Variants in PRDM16 observed in about 807,000 individuals in gnomAD.
PRDM16 encodes the protein PR/SET domain 16.
A neutral mutation model predicts 110.6 loss-of-function variants in PRDM16; 23 were observed. The ratio of observed to expected loss-of-function variants is 0.21; its 90% confidence interval spans 0.15 to 0.29. The LOEUF (loss-of-function observed/expected upper bound fraction) is 0.29, where lower values mean the gene tolerates loss of function less well. Ranked by LOEUF, PRDM16 falls within the 10% of genes least tolerant of loss-of-function variation. The probability of loss-of-function intolerance (pLI) is 1.00; values close to 1 mark genes in which losing one functional copy is unlikely to be tolerated. For missense variants in PRDM16, 1,615 were observed against 1,794.3 expected (o/e 0.90, Z 1.81); for synonymous variants, 799 against 781.8 (o/e 1.02, Z -0.37).
Position 3,186,177 on chromosome 1 carries a change from C to T in PRDM16, c.90C>T (p.Ala30=). Residue 30 remains alanine, a synonymous_variant, in exon 2 of 17, where the codon GCC becomes GCT. Transcript: ENST00000270722. The stretch of plus-strand genomic sequence containing the variant: ...ATGAGCCCAACCGGGACCTGCTGGC[C>T]AGCCACAGCGCGGAGGACGAGGCCG... The part of the protein sequence containing the change: ...NMYEPNRDLL[A]SHSAEDEAED... The T allele has an allele frequency of 6.2e-7, 1 of 1,612,910 alleles. No homozygotes were observed. Among genetic ancestry groups the T allele is most frequent in the Non-Finnish European group, 8.5e-7 (1 of 1,179,986 alleles).
intron 3 of PRDM16, among the ~76,000 whole-genome samples, chr1:3,282,152 C>T (rs1640722755): frequency 6.6e-6 from 1 of 152,232 alleles, no homozygotes; most frequent in Non-Finnish European, 1.5e-5. Flanking sequence ...AACCTTGACT[C>T]CCTTCACAGG....
chr1:3,100,312 G>T (rs1000262395), intron 1 of PRDM16, among the ~76,000 whole-genome samples: 1 of 152,194 alleles, frequency 6.6e-6, no homozygotes, highest in Non-Finnish European at 1.5e-5. Flanking sequence ...TTCATAAAAC[G>T]CAGAGTGACT....
chr1:3,303,047 T>A (rs1641239507), intron 3 of PRDM16, among the ~76,000 whole-genome samples: 1 of 152,194 alleles, frequency 6.6e-6, no homozygotes, highest in African/African-American at 2.4e-5. Flanking sequence ...CACTTATATA[T>A]ATCAGCTTTA....
chr1:3,313,228 G>A (rs1332812428), intron 3 of PRDM16, among the ~76,000 whole-genome samples: 3 of 152,232 alleles, frequency 2.0e-5, no homozygotes, highest in Admixed American at 6.5e-5. Context: ...AGGCCAGAGC[G>A]ACTGTTGGAA....
intron 5 of PRDM16, 82 bp from the exon 6 acceptor site, chr1:3,402,709 G>A: frequency 1.6e-6 from 2 of 1,272,250 alleles, no homozygotes; most frequent in Non-Finnish European, 2.2e-6. Flanking sequence ...CCGTGGTGAG[G>A]GGGCCAGGTC....
At chr1:3,282,616 A>G (rs1640732942) in intron 3 of PRDM16, among the ~76,000 whole-genome samples, 1 of 152,160 alleles carries the variant, frequency 6.6e-6, no homozygotes, top group African/African-American at 2.4e-5. Context: ...TGCCAAGGTC[A>G]CTGAAGCCTT....
At chr1:3,104,106 C>G (rs1484033392) in intron 1 of PRDM16, among the ~76,000 whole-genome samples, 1 of 152,226 alleles carries the variant, frequency 6.6e-6, no homozygotes, top group Non-Finnish European at 1.5e-5. Context: ...TGGGCCACCA[C>G]TGAATGGCGG....
intron 2 of PRDM16, among the ~76,000 whole-genome samples, chr1:3,227,878 T>C (rs1038501251): frequency 2.6e-5 from 4 of 152,216 alleles, no homozygotes; most frequent in African/African-American, 9.6e-5. Context: ...AGAGCCGGCG[T>C]TCTCTCTTTT....
intron 2 of PRDM16, among the ~76,000 whole-genome samples, chr1:3,198,535 G>A (rs149801568): frequency 0.011 from 1,691 of 152,342 alleles, 31 homozygotes; most frequent in African/African-American, 0.039. Context: ...GCACTGGGCC[G>A]TGGCCTTCTG....
At chr1:3,149,934 G>T (rs1008258772) in intron 1 of PRDM16, among the ~76,000 whole-genome samples, 3 of 152,178 alleles carry the variant, frequency 2.0e-5, no homozygotes, top group South Asian at 2.1e-4. Flanking sequence ...CCTGGACAAG[G>T]TTCAAGGAGG....
At chr1:3,378,548 G>A (rs952098539) in intron 3 of PRDM16, among the ~76,000 whole-genome samples, 5 of 152,160 alleles carry the variant, frequency 3.3e-5, no homozygotes, top group African/African-American at 1.2e-4. Context: ...GTCTCCAGGG[G>A]CCTCCATCTC....
chr1:3,108,014 C>T (rs2100632716), intron 1 of PRDM16, among the ~76,000 whole-genome samples: 1 of 152,382 alleles, frequency 6.6e-6, no homozygotes, highest in East Asian at 1.9e-4. Flanking sequence ...AGGGAGTTCA[C>T]CTCCACACCA....
chr1:3,321,660 T>C (rs1458591079), intron 3 of PRDM16, among the ~76,000 whole-genome samples: 1 of 151,988 alleles, frequency 6.6e-6, no homozygotes, highest in Non-Finnish European at 1.5e-5. Flanking sequence ...ATGTGCCCAA[T>C]GTGTGGGTGC....
chr1:3,370,579 A>C lies in PRDM16; in HGVS notation c.439-14573A>C, dbSNP rs1642888143. On this transcript the variant is annotated intron_variant, in intron 3 of 16. Coordinates refer to ENST00000270722, the MANE Select transcript of PRDM16 (RefSeq NM_022114.4). This position sits in a 1 kb window ranked among gnomAD's most constrained non-coding sequence, Gnocchi z 4.8. ...ACCTGCGACGTGATAGCCATGGCCCAGTGCAGTGTCCATGCTAAGAAGGGC... is the reference window on the plus strand; with the variant it reads ...ACCTGCGACGTGATAGCCATGGCCCCGTGCAGTGTCCATGCTAAGAAGGGC... Among the ~76,000 whole-genome samples, 1 of 152,182 alleles carries C rather than the reference A, an allele frequency of 6.6e-6. No individual in the cohort carries two copies. The highest frequency in any genetic ancestry group is 2.1e-4 in the South Asian group (1 of 4,826).
chr1:3,092,044 G>A (rs917306643), intron 1 of PRDM16, among the ~76,000 whole-genome samples: 2 of 152,222 alleles, frequency 1.3e-5, no homozygotes, highest in African/African-American at 4.8e-5. Context: ...GGATAAGATG[G>A]AGCCAGCCGT....
intron 1 of PRDM16, among the ~76,000 whole-genome samples, chr1:3,146,274 G>A (rs1470899972): frequency 1.3e-5 from 2 of 152,236 alleles, no homozygotes; most frequent in Admixed American, 1.3e-4. Flanking sequence ...GGGGTGGGGG[G>A]GGCCTCCCCG....
rs191798390 is a variant in PRDM16 at position 3,287,907 on chromosome 1, C to T, written c.438+43770C>T. On this transcript the variant is annotated intron_variant, in intron 3 of 16. Coordinates refer to ENST00000270722, the MANE Select transcript of PRDM16 (RefSeq NM_022114.4). ...TGGAGCCGCCCCCTGCATGGAGCCT[C>T]GCACACCCTCAGGTTTCTCACCCCG... is the stretch of plus-strand genomic sequence containing the variant. Among the ~76,000 whole-genome samples, 20 of 152,352 alleles carry T rather than the reference C, an allele frequency of 1.3e-4. No individual in the cohort carries two copies. The East Asian group carries it at 2.5e-3, about 19-fold the overall frequency.
intron 1 of PRDM16, among the ~76,000 whole-genome samples, chr1:3,091,478 G>A (rs1288738683): frequency 1.3e-5 from 2 of 152,210 alleles, no homozygotes; most frequent in Admixed American, 6.5e-5. Flanking sequence ...TCGTGAGAAG[G>A]GCAGGGGTTG....
Position 3,181,893 on chromosome 1 carries a change from TACAC to T in PRDM16, c.38-4229_38-4226del, listed in dbSNP as rs1233828779. The stretch of plus-strand genomic sequence containing the variant: ...ACACACGGTCTTGCACACGCAGTCT[TACAC>T]ACGGTCTTACACACGCAGTCTTACA... On this transcript the variant is annotated intron_variant, in intron 1 of 16. Transcript: ENST00000270722. Among the ~76,000 whole-genome samples the T allele has an allele frequency of 6.5e-5, 6 of 92,662 alleles. 1 individual carries two copies. The highest frequency in any genetic ancestry group is 3.8e-4 in the Admixed American group (3 of 7,900). The allele number at this position is 92,662 out of a possible 152,430, so 60.8% of individuals were successfully genotyped here. A position where few individuals can be genotyped will look rare whatever the true frequency, so the allele number is the denominator to read the frequency against.
Sources: allele counts gnomAD v4.1 joint callset (sites outside exome capture counted in the v4.1 genomes callset), GRCh38; gene constraint gnomAD v4.1.1; non-coding constraint Gnocchi (gnomAD v3.1); transcripts MANE v1.5; gene names NCBI Gene and HGNC (gene_info 2026-07-23, HGNC 2026-07-21).